IKZF2: variants seen among roughly 807,000 people sequenced by gnomAD.
The protein encoded by IKZF2 is IKAROS family zinc finger 2.
Under a neutral mutation model 49.2 loss-of-function variants are expected in IKZF2, and 15 were observed. That is an observed-to-expected ratio of 0.30 (90% CI 0.20 to 0.47). IKZF2 has a LOEUF of 0.47. Ranked by LOEUF, IKZF2 falls within the 20% of genes least tolerant of loss-of-function variation. The probability of loss-of-function intolerance (pLI) is 1.00; values close to 1 mark genes in which losing one functional copy is unlikely to be tolerated. For missense variants in IKZF2, 567 were observed against 664.6 expected, an observed-to-expected ratio of 0.85 and a Z score of 1.61; for synonymous variants, 227 against 221.4, an observed-to-expected ratio of 1.03 and a Z score of -0.23.
chr2:213,054,123 A>G (rs1171742228), intron 5 of IKZF2, among the ~76,000 whole-genome samples: 1 of 152,078 alleles, frequency 6.6e-6, no homozygotes, highest in Non-Finnish European at 1.5e-5. Context: ...GGGCACATGT[A>G]ATTCCAGCTA....
At chr2:213,059,784 A>G (rs1207212636) in intron 4 of IKZF2, among the ~76,000 whole-genome samples, 2 of 151,542 alleles carry the variant, frequency 1.3e-5, no homozygotes, top group African/African-American at 2.4e-5. Flanking sequence ...ACAGATAAAA[A>G]TGTGATTTTT....
Position 213,035,280 on chromosome 2 carries a change from T to C in IKZF2, c.575-13150A>G, listed in dbSNP as rs374385716. Among the ~76,000 whole-genome samples, 6 of 151,944 alleles carry C rather than the reference T, an allele frequency of 3.9e-5. No homozygotes were observed. In the East Asian group the frequency reaches 1.2e-3, roughly 29 times the overall value. ...TTTTTTTTCCCTGTAGCAGTCAACA[T>C]CTTCTAACATATTATATGATTTTTT... is the stretch of plus-strand genomic sequence containing the variant. On this transcript the variant is annotated intron_variant, in intron 6 of 8. Transcript: ENST00000434687.
chr2:213,102,884 G>A (rs948390295), intron 4 of IKZF2, among the ~76,000 whole-genome samples: 5 of 151,978 alleles, frequency 3.3e-5, no homozygotes, highest in Non-Finnish European at 7.4e-5. Context: ...GTGAGAAATG[G>A]GCAGCCTTTC....
At chr2:213,075,466 A>G (rs1703154629) in intron 4 of IKZF2, among the ~76,000 whole-genome samples, 1 of 152,130 alleles carries the variant, frequency 6.6e-6, no homozygotes, top group Non-Finnish European at 1.5e-5. Flanking sequence ...ATCTTATCCT[A>G]TATTTGAGTT....
chr2:213,029,780 T>C (rs1247512471), intron 6 of IKZF2, among the ~76,000 whole-genome samples: 1 of 152,138 alleles, frequency 6.6e-6, no homozygotes, highest in East Asian at 1.9e-4. Context: ...TGGACCTTAC[T>C]ACTTAATAAA....
intron 4 of IKZF2, among the ~76,000 whole-genome samples, chr2:213,124,273 CACACACACACA>C (rs776898641): frequency 7.6e-5 from 11 of 145,384 alleles, no homozygotes; most frequent in African/African-American, 3.1e-4. Context: ...CACACACACA[CACACACACACA>C]CACACACACA....
At chr2:213,031,259 T>C (rs1698400534) in intron 6 of IKZF2, among the ~76,000 whole-genome samples, 1 of 152,256 alleles carries the variant, frequency 6.6e-6, no homozygotes, top group East Asian at 1.9e-4. Context: ...GATACAGCAC[T>C]GAACGAGACA....
At chr2:213,079,495 AAGAG>A (rs369197720) in intron 4 of IKZF2, among the ~76,000 whole-genome samples, 16 of 149,146 alleles carry the variant, frequency 1.1e-4, no homozygotes, top group African/African-American at 2.2e-4. Context: ...GAAAAAAAGA[AAGAG>A]AGAGAGAGAA....
At position 213,007,388 on chromosome 2, in the gene IKZF2, A is replaced by G. The variant is rs1442524167; in HGVS notation, c.1553T>C (p.Ile518Thr). 3 of 1,613,246 alleles carry G rather than the reference A, an allele frequency of 1.9e-6. No homozygotes were observed. The highest frequency in any genetic ancestry group is 2.5e-6 in the Non-Finnish European group (3 of 1,179,588). Residue 518 changes from isoleucine (I) to threonine (T), a missense_variant, in exon 9 of 9, where the codon ATT (isoleucine) becomes ACT (threonine). This residue lies in a region of IKZF2 where 25 missense variants were observed against 27.0 expected (regional missense o/e 0.93). Transcript: ENST00000434687. ...SQDRYEFSSHIVRGEHTFH is the reference protein window; with the variant it reads ...SQDRYEFSSHTVRGEHTFH ...GTGGAATGTGTGCTCCCCTCGAACA[A>G]TGTGTGATGAAAACTCATAACGGTC...
chr2:213,095,764 C>T (rs552356216), intron 4 of IKZF2, among the ~76,000 whole-genome samples: 2 of 152,076 alleles, frequency 1.3e-5, no homozygotes, highest in East Asian at 3.9e-4. Flanking sequence ...CACTATTTCA[C>T]TAGAACTAAA....
intron 4 of IKZF2, chr2:213,097,937 A>C (rs1263861733): frequency 3.4e-6 from 1 of 298,084 alleles, no homozygotes; most frequent in African/African-American, 2.2e-5. Context: ...GGACACTTCT[A>C]ATTCTATATT....
In IKZF2 at chr2:213,007,314, T is replaced by C. The variant is rs375324552; in HGVS notation, c.*46A>G. On this transcript the variant is annotated 3_prime_UTR_variant, in exon 9 of 9. Coordinates refer to ENST00000434687, the MANE Select transcript of IKZF2 (RefSeq NM_001387220.1). ...GGATTGTAAGTGCAGTATTTCTTCA[T>C]GTGCAGTTCTTTACTTCATAGGGGT... The C allele has an allele frequency of 6.4e-7, 1 of 1,564,424 alleles. No individual in the cohort carries two copies. Among genetic ancestry groups the C allele is most frequent in the African/African-American group, 1.4e-5 (1 of 72,956 alleles).
In IKZF2 at chr2:213,001,376, T is replaced by C. The variant is rs914576116; in HGVS notation, c.*5984A>G. The C allele has an allele frequency of 6.6e-6, 1 of 151,990 alleles. No homozygotes were observed. The highest frequency in any genetic ancestry group is 2.1e-4 in the South Asian group (1 of 4,830). 9.4% of individuals were successfully genotyped at this position (151,990 alleles called of 1,614,324 possible). A position where few individuals can be genotyped will look rare whatever the true frequency, so the allele number is the denominator to read the frequency against. On this transcript the variant is annotated 3_prime_UTR_variant, in exon 9 of 9. Coordinates refer to ENST00000434687, the MANE Select transcript of IKZF2 (RefSeq NM_001387220.1). ...AATAACTGTCTAGTCTTTCATGATA[T>C]ACATTTTTTGGAGGAAAGCCAAATC...
intron 4 of IKZF2, among the ~76,000 whole-genome samples, chr2:213,069,029 T>C (rs1189105892): frequency 6.6e-6 from 1 of 152,062 alleles, no homozygotes; most frequent in Admixed American, 6.6e-5. Flanking sequence ...AATAATGTTA[T>C]GAAGACTCTT....
intron 4 of IKZF2, among the ~76,000 whole-genome samples, chr2:213,120,453 C>T (rs1301304609): frequency 6.6e-6 from 1 of 152,174 alleles, no homozygotes; most frequent in Admixed American, 6.5e-5. Context: ...ATATTCAAGA[C>T]ATGGCAAGTA....
chr2:213,083,030 C>T (rs1009191143), intron 4 of IKZF2, among the ~76,000 whole-genome samples: 2 of 151,942 alleles, frequency 1.3e-5, no homozygotes, highest in African/African-American at 4.8e-5. Context: ...TAATTTTATA[C>T]CTCTGAGACA....
At chr2:213,100,666 T>C (rs1706553332) in intron 4 of IKZF2, among the ~76,000 whole-genome samples, 1 of 151,990 alleles carries the variant, frequency 6.6e-6, no homozygotes, top group Admixed American at 6.6e-5. Flanking sequence ...AGAGTAACCT[T>C]ACAGGTTTAC....
intron 4 of IKZF2, among the ~76,000 whole-genome samples, chr2:213,146,759 C>CGGTGG (rs1553604931): frequency 1.1e-5 from 1 of 87,168 alleles, no homozygotes; most frequent in South Asian, 3.6e-4. Context: ...ATTAAATCTT[C>CGGTGG]GGGGGGGGGG....
chr2:213,059,669 C>T (rs1334607574), intron 4 of IKZF2, among the ~76,000 whole-genome samples: 1 of 151,344 alleles, frequency 6.6e-6, no homozygotes, highest in Non-Finnish European at 1.5e-5. Flanking sequence ...AGTTTTAGAA[C>T]CTGAAACTAT....
Sources: gnomAD v4.1 joint callset for allele counts (sites outside exome capture counted in the v4.1 genomes callset) on GRCh38, gnomAD v4.1.1 for gene constraint, gnomAD v4.1.1 regional missense constraint, MANE v1.5 for transcripts, NCBI Gene and HGNC (gene_info 2026-07-23, HGNC 2026-07-21) for gene names.